VEZT: variants seen among roughly 807,000 people sequenced by gnomAD.
VEZT encodes vezatin.
Under a neutral mutation model 79.9 loss-of-function variants are expected in VEZT, and 39 were observed. The observed-to-expected ratio is 0.49, with a 90% CI of 0.38 to 0.64. VEZT has a LOEUF of 0.64. VEZT is among the 30% of genes least tolerant of loss of function. The probability of loss-of-function intolerance (pLI) is 0.00; values close to 1 mark genes in which losing one functional copy is unlikely to be tolerated. For synonymous variants in VEZT, 325 were observed against 327.6 expected (o/e 0.99, Z 0.09); for missense variants, 837 against 893.1 (o/e 0.94, Z 0.80).
rs1329492365 is a variant in VEZT, at chr12:95,217,894, GA to G, written c.36+12del. The G allele has an allele frequency of 2.6e-6, 4 of 1,513,494 alleles. No homozygotes were observed. Among genetic ancestry groups the G allele is most frequent in the East Asian group, 2.7e-5 (1 of 36,858 alleles). The allele number at this position is 1,513,494 out of a possible 1,614,324, so 93.8% of individuals were successfully genotyped here. On this transcript the variant is annotated intron_variant, in intron 1 of 11. Coordinates refer to ENST00000436874, the MANE Select transcript of VEZT (RefSeq NM_017599.4). The stretch of plus-strand genomic sequence containing the variant: ...GAAGAGGTGGTTTTTGAGGTAAGAG[GA>G]AAATGGCGGTGGGTGTGGATTGCCT...
chr12:95,277,274 A>G (rs1326887807), intron 7 of VEZT, among the ~76,000 whole-genome samples: 1 of 152,228 alleles, frequency 6.6e-6, no homozygotes, highest in Non-Finnish European at 1.5e-5. Flanking sequence ...ATAGTGCACA[A>G]TGGAACACTG....
At chr12:95,222,063 C>A (rs1244319476) in intron 1 of VEZT, among the ~76,000 whole-genome samples, 1 of 152,126 alleles carries the variant, frequency 6.6e-6, no homozygotes, top group Admixed American at 6.5e-5. Context: ...AGTCCTGTGA[C>A]CAATTCCCCA....
rs1486302992 is a variant in VEZT, at chr12:95,270,136, C to T, written c.796C>T (p.Leu266=). The T allele has an allele frequency of 1.9e-6, 3 of 1,611,396 alleles. No homozygotes were observed. The South Asian group carries it at 3.3e-5, about 18-fold the overall frequency. Residue 266 remains leucine, a synonymous_variant, in exon 6 of 12, where the codon CTA becomes TTA. Transcript: ENST00000436874. ...TCTTCGGAAAGCTGTCTACCGAACTCTAAGAGCCAACTTCCAAGCAGCAAG... is the reference window on the plus strand; with the variant it reads ...TCTTCGGAAAGCTGTCTACCGAACTTTAAGAGCCAACTTCCAAGCAGCAAG... ...IGLRKAVYRT[L]RANFQAARLA...
chr12:95,222,557 T>C (rs973398889), intron 1 of VEZT, among the ~76,000 whole-genome samples: 1 of 152,164 alleles, frequency 6.6e-6, no homozygotes, highest in Non-Finnish European at 1.5e-5. Context: ...ATTTAAAAAA[T>C]AGGTTTTAAT....
chr12:95,231,381 G>A (rs2136873533), intron 1 of VEZT: 1 of 152,270 alleles, frequency 6.6e-6, no homozygotes, highest in East Asian at 1.9e-4. Context: ...GCTTAGTAAT[G>A]ACAGAGGCAC....
intron 1 of VEZT, among the ~76,000 whole-genome samples, chr12:95,228,588 T>A (rs1421910117): frequency 6.6e-6 from 1 of 152,150 alleles, no homozygotes; most frequent in Non-Finnish European, 1.5e-5. Flanking sequence ...ATAATCTTGT[T>A]CCAAGTAGTA....
intron 1 of VEZT, among the ~76,000 whole-genome samples, chr12:95,229,908 G>T (rs537865254): frequency 6.6e-6 from 1 of 152,096 alleles, no homozygotes; most frequent in South Asian, 2.1e-4. Flanking sequence ...TGGCCAACAT[G>T]GTGAAACCCC....
chr12:95,289,890 C>G (rs1659150966), intron 9 of VEZT, among the ~76,000 whole-genome samples: 1 of 152,142 alleles, frequency 6.6e-6, no homozygotes, highest in African/African-American at 2.4e-5. Flanking sequence ...ATGTATGTAT[C>G]TGTATGTGTG....
chr12:95,221,674 CA>C (rs1363373195), intron 1 of VEZT, among the ~76,000 whole-genome samples: 1 of 147,758 alleles, frequency 6.8e-6, no homozygotes, highest in Non-Finnish European at 1.5e-5. Context: ...CAAAACCCTG[CA>C]TATTAAAAAA....
chr12:95,281,297 C>T (rs79701430), intron 7 of VEZT, among the ~76,000 whole-genome samples: 23,463 of 151,992 alleles, frequency 0.15, 1,895 homozygotes, highest in African/African-American at 0.18. Context: ...ATCCTGGCAA[C>T]ATACTGAGAC....
intron 8 of VEZT, chr12:95,286,357 A>G (rs2070869686): frequency 2.1e-6 from 1 of 472,700 alleles, no homozygotes. Context: ...ATAAAAAGCA[A>G]TTTCAATTTG....
At chr12:95,262,862 T>G (rs2064800438) in intron 3 of VEZT, 44 bp from the exon 4 acceptor site, 2 of 1,456,048 alleles carry the variant, frequency 1.4e-6, no homozygotes, top group Non-Finnish European at 1.8e-6. Flanking sequence ...TAATGCAATA[T>G]TATATATGTG....
intron 1 of VEZT, among the ~76,000 whole-genome samples, chr12:95,226,257 T>C (rs897732468): frequency 6.6e-6 from 1 of 152,094 alleles, no homozygotes; most frequent in Non-Finnish European, 1.5e-5. Flanking sequence ...TTTGGGAAAT[T>C]TCAGATGTAG....
At chr12:95,282,878 T>C (rs935252145) in intron 8 of VEZT, among the ~76,000 whole-genome samples, 3 of 152,150 alleles carry the variant, frequency 2.0e-5, no homozygotes, top group African/African-American at 4.8e-5. Flanking sequence ...AACAGAAAAC[T>C]TGGAAAAGTA....
intron 9 of VEZT, among the ~76,000 whole-genome samples, chr12:95,290,016 C>A (rs1397677539): frequency 6.6e-6 from 1 of 152,164 alleles, no homozygotes. Flanking sequence ...GAACATTCTC[C>A]TGTGTACCCA....
intron 1 of VEZT, chr12:95,243,876 T>C (rs773608693): frequency 9.1e-6 from 4 of 441,080 alleles, no homozygotes; most frequent in Non-Finnish European, 1.8e-5. Context: ...GTAAGGACTT[T>C]CTTAGGGCTT....
At chr12:95,223,744 C>T (rs2057977245) in intron 1 of VEZT, among the ~76,000 whole-genome samples, 1 of 152,198 alleles carries the variant, frequency 6.6e-6, no homozygotes, top group Admixed American at 6.5e-5. Context: ...AGCCACCGTG[C>T]CTGGCCTCAG....
intron 1 of VEZT, among the ~76,000 whole-genome samples, chr12:95,234,014 A>T (rs1292964090): frequency 6.6e-6 from 1 of 152,226 alleles, no homozygotes. Flanking sequence ...TCTGTATTCC[A>T]ACGTTGCCAA....
intron 1 of VEZT, chr12:95,242,201 A>T (rs1324789219): frequency 6.6e-6 from 1 of 152,186 alleles, no homozygotes; most frequent in Admixed American, 6.6e-5. Flanking sequence ...TACCACTACT[A>T]GATGGAAGTT....
Sources: gnomAD v4.1 joint callset for allele counts (sites outside exome capture counted in the v4.1 genomes callset) on GRCh38, gnomAD v4.1.1 for gene constraint, MANE v1.5 for transcripts, NCBI Gene and HGNC (gene_info 2026-07-23, HGNC 2026-07-21) for gene names.